Variants in GMPS observed in about 807,000 individuals in gnomAD.
GMPS encodes the protein guanosine monophosphate synthase, also known as GMP synthase [glutamine-hydrolyzing].
A neutral mutation model predicts 77.9 loss-of-function variants in GMPS; 15 were observed. The ratio of observed to expected loss-of-function variants is 0.19; its 90% CI spans 0.13 to 0.30. GMPS has a LOEUF of 0.30. GMPS is among the 10% of genes least tolerant of loss of function. The pLI is 1.00. For synonymous variants in GMPS, 224 were observed against 275.9 expected (o/e 0.81, Z 1.86); for missense variants, 590 against 838.8 (o/e 0.70, Z 3.66).
chr3:155,871,177 C>A lies in GMPS; in HGVS notation c.27+280C>A, dbSNP rs552513105. The stretch of plus-strand genomic sequence containing the variant: ...GCGTCGCTGGCCCCCGCCTCCCCCG[C>A]GCCGCTGTGGGGCGCAGAGCCCGCG... On this transcript the variant is annotated intron_variant, in intron 1 of 15. Coordinates refer to ENST00000496455, the MANE Select transcript of GMPS (RefSeq NM_003875.3). Among the ~76,000 whole-genome samples the A allele has an allele frequency of 7.9e-5, 12 of 152,152 alleles. No homozygotes were observed. The East Asian group carries it at 2.3e-3, about 30-fold the overall frequency.
At chr3:155,876,525 C>T (rs1754053472) in intron 1 of GMPS, among the ~76,000 whole-genome samples, 1 of 152,142 alleles carries the variant, frequency 6.6e-6, no homozygotes, top group Non-Finnish European at 1.5e-5. Context: ...TTAACAAACC[C>T]GTCCTATTTT....
At chr3:155,871,576 G>T (rs938751549) in intron 1 of GMPS, among the ~76,000 whole-genome samples, 1 of 152,222 alleles carries the variant, frequency 6.6e-6, no homozygotes, top group Admixed American at 6.5e-5. Flanking sequence ...CGCGCACTCC[G>T]TTCTCCCTCC....
In GMPS at chr3:155,939,292, C is replaced by G. The variant is rs1365953162; in HGVS notation, c.*1600C>G. The G allele has an allele frequency of 4.6e-6, 1 of 216,098 alleles. No homozygotes were observed. The highest frequency in any genetic ancestry group is 6.9e-5 in the East Asian group (1 of 14,536). The allele number at this position is 216,098 out of a possible 1,614,324, so 13.4% of individuals were successfully genotyped here. On this transcript the variant is annotated 3_prime_UTR_variant, in exon 16 of 16. Coordinates refer to ENST00000496455, the MANE Select transcript of GMPS (RefSeq NM_003875.3). ...GATTTAGAGTCATGTTATTTGAAAG[C>G]TAGAATAGACAACCTATAAAATGCT...
intron 1 of GMPS, among the ~76,000 whole-genome samples, chr3:155,875,139 A>G (rs1442758128): frequency 6.6e-6 from 1 of 152,080 alleles, no homozygotes; most frequent in Non-Finnish European, 1.5e-5. Context: ...GCTGGTCTCT[A>G]ACCCTTGACC....
rs1560049669 is a variant in GMPS at position 155,920,438 on chromosome 3, G to T, written c.1318+1100G>T. 2.0e-5 allele frequency among the ~76,000 whole-genome samples: 3 copies of T among 152,086 alleles called. No individual in the cohort carries two copies. The East Asian group carries it at 5.8e-4, about 29-fold the overall frequency. ...AAAAATAGAAAAATTAGCCAGGTGT[G>T]GTGGCATGTGCCTGTAATTCTAGCT... On this transcript the variant is annotated intron_variant, in intron 10 of 15. Coordinates refer to ENST00000496455, the MANE Select transcript of GMPS (RefSeq NM_003875.3).
chr3:155,885,735 A>G (rs1478517186), intron 1 of GMPS, among the ~76,000 whole-genome samples: 4 of 152,236 alleles, frequency 2.6e-5, no homozygotes, highest in Non-Finnish European at 5.9e-5. Flanking sequence ...TTTTTGGATT[A>G]AGGATGTTTA....
chr3:155,886,767 A>G (rs1754349874), intron 1 of GMPS, among the ~76,000 whole-genome samples: 1 of 151,564 alleles, frequency 6.6e-6, no homozygotes, highest in African/African-American at 2.4e-5. Context: ...CAGCCTCCCA[A>G]AGTGCTGGGA....
rs1431273999 is a variant in GMPS at position 155,931,858 on chromosome 3, C to T, written c.1654C>T (p.Arg552Cys). 13 of 1,553,574 alleles carry T rather than the reference C, an allele frequency of 8.4e-6. No homozygotes were observed. Among genetic ancestry groups the T allele is most frequent in the African/African-American group, 1.4e-5 (1 of 73,678 alleles). ...SLIFLARLIP[R>C]MCHNVNRVVY... ...TATTTTTCTGGCTAGGCTTATACCT[C>T]GCATGTGTCACAACGTTAACAGGTG... The change falls in exon 13 of 16, where the codon CGC (arginine) becomes TGC (cysteine). Residue 552 changes from arginine (R) to cysteine (C), a missense_variant. Arg to Cys is a radical substitution (Grantham distance 180, BLOSUM62 -3). This residue lies in a region of GMPS where 89 missense variants were observed against 95.9 expected (regional missense o/e 0.93). Coordinates refer to ENST00000496455, the MANE Select transcript of GMPS (RefSeq NM_003875.3).
intron 8 of GMPS, among the ~76,000 whole-genome samples, chr3:155,915,346 T>C (rs1253566909): frequency 2.0e-5 from 3 of 150,764 alleles, no homozygotes; most frequent in African/African-American, 7.3e-5. Flanking sequence ...CAAGCGATTC[T>C]CCTGCCTCAG....
At position 155,943,305 on chromosome 3, in the gene GMPS, G is replaced by A. The variant is rs111923043; in HGVS notation, c.*5613G>A. The A allele has an allele frequency of 2.9e-3, 523 of 180,962 alleles. 1 individual carries two copies. Among genetic ancestry groups the A allele is most frequent in the Non-Finnish European group, 5.0e-3 (420 of 84,638 alleles). 11.2% of individuals were successfully genotyped at this position (180,962 alleles called of 1,614,324 possible). On this transcript the variant is annotated 3_prime_UTR_variant, in exon 16 of 16. Coordinates refer to ENST00000496455, the MANE Select transcript of GMPS (RefSeq NM_003875.3). Reference sequence around the variant, plus strand: ...TAACTTTGTTAAGGGCCCTTGGTTAGCAAAATTATGAAAGTTTAGGAAATT... The same window carrying A: ...TAACTTTGTTAAGGGCCCTTGGTTAACAAAATTATGAAAGTTTAGGAAATT...
intron 1 of GMPS, among the ~76,000 whole-genome samples, chr3:155,887,302 A>G (rs923177957): frequency 3.3e-5 from 5 of 152,208 alleles, no homozygotes; most frequent in Non-Finnish European, 7.3e-5. Flanking sequence ...TTTTAAGCAC[A>G]CTGGCATGTT....
intron 15 of GMPS, 41 bp downstream of exon 15, chr3:155,936,551 T>A (rs778356879): frequency 8.9e-7 from 1 of 1,119,864 alleles, no homozygotes; most frequent in Non-Finnish European, 1.4e-6. Context: ...TCTCAGTACC[T>A]CTTACATTTT....
intron 1 of GMPS, among the ~76,000 whole-genome samples, chr3:155,876,163 A>G (rs1237944731): frequency 2.6e-5 from 4 of 152,086 alleles, no homozygotes; most frequent in South Asian, 4.1e-4. Context: ...TTACACAAAT[A>G]CCCCATATTT....
intron 4 of GMPS, among the ~76,000 whole-genome samples, chr3:155,904,908 C>T (rs939779268): frequency 1.3e-5 from 2 of 152,178 alleles, no homozygotes; most frequent in African/African-American, 4.8e-5. Flanking sequence ...ACAACAATGT[C>T]AACAACAAAC....
At chr3:155,920,405 A>G (rs1755288814) in intron 10 of GMPS, among the ~76,000 whole-genome samples, 1 of 151,680 alleles carries the variant, frequency 6.6e-6, no homozygotes, top group African/African-American at 2.4e-5. Flanking sequence ...TGTAACCCTG[A>G]GTCTACTAAA....
At chr3:155,913,175 CT>C (rs1013292396) in intron 7 of GMPS, among the ~76,000 whole-genome samples, 1 of 152,198 alleles carries the variant, frequency 6.6e-6, no homozygotes, top group African/African-American at 2.4e-5. Context: ...GTAGATATGT[CT>C]TCTCTGGGTA....
chr3:155,876,295 T>C (rs898618999), intron 1 of GMPS, among the ~76,000 whole-genome samples: 1 of 152,214 alleles, frequency 6.6e-6, no homozygotes, highest in Non-Finnish European at 1.5e-5. Flanking sequence ...CAGATATTTC[T>C]CCTGTCATCA....
chr3:155,937,780 G>A lies in GMPS; in HGVS notation c.*88G>A, dbSNP rs531720432. On this transcript the variant is annotated 3_prime_UTR_variant, in exon 16 of 16. Coordinates refer to ENST00000496455, the MANE Select transcript of GMPS (RefSeq NM_003875.3). Reference sequence around the variant, plus strand: ...ATTGACATGCAGTACTGTGAAAAGAGTTACTGGAGCAGCTACATCACATCT... The same window carrying A: ...ATTGACATGCAGTACTGTGAAAAGAATTACTGGAGCAGCTACATCACATCT... 1.6e-5 allele frequency: 11 copies of A among 694,686 alleles called. No homozygotes were observed. Among genetic ancestry groups the A allele is most frequent in the Non-Finnish European group, 2.8e-5 (11 of 390,330 alleles). The allele number at this position is 694,686 out of a possible 1,614,324, so 43.0% of individuals were successfully genotyped here. A position where few individuals can be genotyped will look rare whatever the true frequency, so the allele number is the denominator to read the frequency against.
chr3:155,903,597 C>T (rs1043748015), intron 3 of GMPS, among the ~76,000 whole-genome samples: 3 of 152,128 alleles, frequency 2.0e-5, no homozygotes, highest in Non-Finnish European at 2.9e-5. Flanking sequence ...TTAAAGTACA[C>T]TAAGTGGAAA....
Sources: gnomAD v4.1 joint callset for allele counts (sites outside exome capture counted in the v4.1 genomes callset) on GRCh38, gnomAD v4.1.1 for gene constraint, gnomAD v4.1.1 regional missense constraint, MANE v1.5 for transcripts, NCBI Gene and HGNC (gene_info 2026-07-23, HGNC 2026-07-21) for gene names.